The following ME3 variants were observed in gnomAD, a reference collection of about 807,000 sequenced individuals.
ME3 encodes the protein malic enzyme 3.
ME3 carries 48 observed loss-of-function variants against 68.9 expected under a neutral mutation model. The ratio of observed to expected loss-of-function variants is 0.70; its 90% CI spans 0.55 to 0.89. The LOEUF (loss-of-function observed/expected upper bound fraction) is 0.89, where lower values mean the gene tolerates loss of function less well. Ranked by LOEUF, ME3 falls within the 40% of genes least tolerant of loss-of-function variation. The pLI, the probability that ME3 is intolerant of heterozygous loss-of-function variation, is 0.00. For missense variants in ME3, 675 were observed against 797.4 expected, an observed-to-expected ratio of 0.85 and a Z score of 1.85; for synonymous variants, 320 against 318.8, an observed-to-expected ratio of 1.00 and a Z score of -0.04.
At chr11:86,527,156 A>G (rs981463149) in intron 4 of ME3, among the ~76,000 whole-genome samples, 2 of 152,230 alleles carry the variant, frequency 1.3e-5, no homozygotes, top group African/African-American at 4.8e-5. Flanking sequence ...TAACCAATGC[A>G]GAGAAATCCT....
At chr11:86,507,147 GGAC>G (rs2139083961) in intron 5 of ME3, among the ~76,000 whole-genome samples, 1 of 152,354 alleles carries the variant, frequency 6.6e-6, no homozygotes. Flanking sequence ...GGAGTGGGTA[GGAC>G]ATAAAGGGAG....
intron 2 of ME3, among the ~76,000 whole-genome samples, chr11:86,577,019 G>C (rs1219683844): frequency 1.3e-5 from 2 of 152,098 alleles, no homozygotes; most frequent in Non-Finnish European, 2.9e-5. Flanking sequence ...AAGTCCCCTG[G>C]ATTCCTGTTG....
intron 8 of ME3, among the ~76,000 whole-genome samples, chr11:86,452,861 C>G (rs1034533308): frequency 6.6e-6 from 1 of 152,198 alleles, no homozygotes; most frequent in African/African-American, 2.4e-5. Context: ...GATACAGTGA[C>G]TGTCTTCCAG....
chr11:86,645,588 A>G (rs1944955486), intron 2 of ME3, among the ~76,000 whole-genome samples: 1 of 152,208 alleles, frequency 6.6e-6, no homozygotes, highest in African/African-American at 2.4e-5. Context: ...TCCCTGGGAC[A>G]GAGCACCTGG....
intron 2 of ME3, among the ~76,000 whole-genome samples, chr11:86,637,063 G>T (rs1002623587): frequency 6.6e-6 from 1 of 152,052 alleles, no homozygotes; most frequent in Non-Finnish European, 1.5e-5. Flanking sequence ...GCAAAAAATG[G>T]CGAAAAAAAT....
At position 86,643,513 on chromosome 11, in the gene ME3, C is replaced by T. The variant is rs1402110390; in HGVS notation, c.183+28249G>A. Among the ~76,000 whole-genome samples the T allele has an allele frequency of 1.3e-5, 2 of 152,098 alleles. 1 individual carries two copies. The highest frequency in any genetic ancestry group is 2.9e-5 in the Non-Finnish European group (2 of 68,022). ...GACACACCAAGAAAAAGTAATCACC[C>T]TTGGAAAGAGGTTACAGCAACCTTC... On this transcript the variant is annotated intron_variant, in intron 2 of 14. Coordinates refer to ENST00000543262, the Ensembl canonical transcript of ME3.
intron 2 of ME3, among the ~76,000 whole-genome samples, chr11:86,604,034 A>C (rs1223866855): frequency 6.6e-6 from 1 of 151,762 alleles, no homozygotes; most frequent in African/African-American, 2.4e-5. Context: ...AACGTGGCAC[A>C]TGTATACATA....
At chr11:86,553,710 A>C (rs1362922892) in intron 4 of ME3, among the ~76,000 whole-genome samples, 1 of 152,206 alleles carries the variant, frequency 6.6e-6, no homozygotes, top group Non-Finnish European at 1.5e-5. Flanking sequence ...AGCCTGCCTC[A>C]AGCTCACTCA....
intron 2 of ME3, among the ~76,000 whole-genome samples, chr11:86,565,716 C>G (rs1169587943): frequency 6.6e-6 from 1 of 152,070 alleles, no homozygotes; most frequent in African/African-American, 2.4e-5. Flanking sequence ...TAAATATAAG[C>G]CTTTTACTGG....
chr11:86,448,652 C>T (rs1949457894), intron 10 of ME3, among the ~76,000 whole-genome samples: 1 of 152,142 alleles, frequency 6.6e-6, no homozygotes, highest in Non-Finnish European at 1.5e-5. Flanking sequence ...CACCCAGGGT[C>T]AGGGAGCTAA....
At chr11:86,450,749 G>A (rs1949581803) in intron 8 of ME3, among the ~76,000 whole-genome samples, 1 of 152,244 alleles carries the variant, frequency 6.6e-6, no homozygotes, top group Middle Eastern at 3.4e-3. Context: ...GGGCTAAATG[G>A]ATAAAAACAT....
intron 2 of ME3, among the ~76,000 whole-genome samples, chr11:86,623,159 G>A (rs781571206): frequency 1.3e-5 from 2 of 152,224 alleles, no homozygotes; most frequent in African/African-American, 2.4e-5. Flanking sequence ...GAAGATCTGC[G>A]TCGTCTCATC....
intron 8 of ME3, 91 bp downstream of exon 8, chr11:86,465,000 T>TGAG: frequency 9.8e-7 from 1 of 1,016,978 alleles, no homozygotes; most frequent in Non-Finnish European, 1.6e-6. Flanking sequence ...AACTATGGGG[T>TGAG]GACAGCCTTT....
chr11:86,574,269 A>G (rs1594507947), intron 2 of ME3, among the ~76,000 whole-genome samples: 1 of 152,024 alleles, frequency 6.6e-6, no homozygotes, highest in Non-Finnish European at 1.5e-5. Flanking sequence ...TGTTGAGATC[A>G]TTTGGAGGAG....
intron 6 of ME3, among the ~76,000 whole-genome samples, chr11:86,488,112 CA>C (rs1324285879): frequency 6.6e-6 from 1 of 152,002 alleles, no homozygotes; most frequent in Non-Finnish European, 1.5e-5. Flanking sequence ...CTTGGGAGGC[CA>C]AGGCTGCAGT....
chr11:86,622,588 G>A (rs770587312), intron 2 of ME3: 5 of 151,988 alleles, frequency 3.3e-5, no homozygotes, highest in African/African-American at 4.8e-5. Context: ...ACAATATCTC[G>A]TTTCTTCCTG....
intron 4 of ME3, among the ~76,000 whole-genome samples, chr11:86,537,496 C>T (rs1433244603): frequency 4.6e-5 from 7 of 152,032 alleles, no homozygotes; most frequent in Non-Finnish European, 1.0e-4. Flanking sequence ...GTGCCCATGC[C>T]CTGCCCGTGG....
At chr11:86,671,681 T>C in intron 2 of ME3, 81 bp downstream of exon 2, 1 of 1,541,902 alleles carries the variant, frequency 6.5e-7, no homozygotes, top group East Asian at 2.6e-5. Flanking sequence ...GGAGGATCCT[T>C]TCTGGGTCCA....
chr11:86,614,673 T>C (rs1942830347), intron 2 of ME3, among the ~76,000 whole-genome samples: 1 of 152,076 alleles, frequency 6.6e-6, no homozygotes, highest in Non-Finnish European at 1.5e-5. Flanking sequence ...TGCCTATGGA[T>C]TTTTTTTCAT....
Sources: allele counts gnomAD v4.1 joint callset (sites outside exome capture counted in the v4.1 genomes callset), GRCh38; gene constraint gnomAD v4.1.1; transcripts MANE v1.5; gene names NCBI Gene and HGNC (gene_info 2026-07-23, HGNC 2026-07-21).